The following FAM149A variants were observed in gnomAD, a reference collection of about 807,000 sequenced individuals.
FAM149A encodes the protein family with sequence similarity 149 member A.
FAM149A carries 71 observed loss-of-function variants against 78.2 expected under a neutral mutation model. The ratio of observed to expected loss-of-function variants is 0.91; its 90% CI spans 0.75 to 1.11. The LOEUF (loss-of-function observed/expected upper bound fraction) is 1.11, where lower values mean the gene tolerates loss of function less well. FAM149A is among the 50% of genes least tolerant of loss of function. The pLI is 0.00. For missense variants in FAM149A, 1,036 were observed against 971.0 expected (o/e 1.07, Z -0.89); for synonymous variants, 446 against 410.5 (o/e 1.09, Z -1.04).
At chr4:186,135,952 C>T (rs1450332540) in intron 1 of FAM149A, among the ~76,000 whole-genome samples, 1 of 152,154 alleles carries the variant, frequency 6.6e-6, no homozygotes, top group East Asian at 1.9e-4. Flanking sequence ...CATGGAGGCA[C>T]CACGCGTGTG....
intron 1 of FAM149A, among the ~76,000 whole-genome samples, chr4:186,106,226 C>T (rs529462296): frequency 6.6e-6 from 1 of 152,118 alleles, no homozygotes; most frequent in East Asian, 1.9e-4. Flanking sequence ...TGAGAGCTTT[C>T]CACAGTGCCC....
intron 1 of FAM149A, chr4:186,118,155 AAC>A: frequency 1.0e-6 from 1 of 985,402 alleles, no homozygotes. Flanking sequence ...GGAGTTGGTG[AAC>A]ACACACAGTG....
intron 3 of FAM149A, among the ~76,000 whole-genome samples, chr4:186,150,158 TTGTC>T (rs1733365214): frequency 6.6e-6 from 1 of 152,154 alleles, no homozygotes. Flanking sequence ...TGAACTGCTT[TTGTC>T]TGTGTGAGCC....
intron 11 of FAM149A, among the ~76,000 whole-genome samples, chr4:186,166,672 AG>A (rs1218562381): frequency 6.9e-6 from 1 of 145,166 alleles, no homozygotes; most frequent in Non-Finnish European, 1.5e-5. Flanking sequence ...AAAAAAAAAA[AG>A]GCAAACATCA....
intron 1 of FAM149A, chr4:186,125,839 G>A (rs975548619): frequency 2.0e-6 from 2 of 985,326 alleles, no homozygotes; most frequent in Non-Finnish European, 2.4e-6. Context: ...ATACGAGGTA[G>A]GGATGAGATG....
At chr4:186,158,382 T>G in intron 8 of FAM149A, 2 of 1,204,434 alleles carry the variant, frequency 1.7e-6, no homozygotes, top group South Asian at 1.6e-5. Flanking sequence ...ACAAGGGAGC[T>G]CACTCAGTGG....
In FAM149A at chr4:186,105,607, G is replaced by C; in HGVS notation, c.531G>C (p.Glu177Asp). 9.5e-7 allele frequency: 1 copy of C among 1,054,994 alleles called. No individual in the cohort carries two copies. The highest frequency in any genetic ancestry group is 1.2e-6 in the Non-Finnish European group (1 of 868,750). 65.4% of individuals were successfully genotyped at this position (1,054,994 alleles called of 1,614,324 possible). A position where few individuals can be genotyped will look rare whatever the true frequency, so the allele number is the denominator to read the frequency against. Residue 177 changes from glutamate to aspartate, a missense_variant, in exon 1 of 14, where the codon GAG (glutamate) becomes GAC (aspartate). Coordinates refer to ENST00000389354, the MANE Select transcript of FAM149A (RefSeq NM_001367768.3). ...TTACGCTGCCTGACATCGGCGAGGA[G>C]GGGGCCTCGGACGGCGACTCCGGGG...
intron 1 of FAM149A, among the ~76,000 whole-genome samples, chr4:186,143,495 TAA>T (rs1732713580): frequency 6.6e-6 from 1 of 152,198 alleles, no homozygotes; most frequent in Non-Finnish European, 1.5e-5. Flanking sequence ...ACCACTTTTA[TAA>T]AAGTGGGGAG....
intron 1 of FAM149A, chr4:186,130,293 C>CTCTCTCTCTCTCTCTATATATATATATA: frequency 8.6e-5 from 4 of 46,584 alleles, no homozygotes; most frequent in East Asian, 7.7e-4. Flanking sequence ...CTCTCTCTCT[C>CTCTCTCTCTCTCTCTATATATATATATA]TATATATATA....
chr4:186,127,983 C>G (rs1209569769), intron 1 of FAM149A, among the ~76,000 whole-genome samples: 26 of 86,166 alleles, frequency 3.0e-4, no homozygotes, highest in Non-Finnish European at 1.6e-4. Flanking sequence ...CCACCATGCC[C>G]GGCCTTTTTT....
Position 186,105,305 on chromosome 4 carries a change from C to A in FAM149A, c.229C>A (p.Pro77Thr). 1 of 1,177,662 alleles carries A rather than the reference C, an allele frequency of 8.5e-7. No individual in the cohort carries two copies. Among genetic ancestry groups the A allele is most frequent in the East Asian group, 8.5e-5 (1 of 11,702 alleles). The allele number at this position is 1,177,662 out of a possible 1,614,324, so 73.0% of individuals were successfully genotyped here. Reference sequence around the variant, plus strand: ...GTCGCCCGCCCCGCTGCTCTCCTCCCCCTACTCCCGGGGCTCCGCCGCCAG... The same window carrying A: ...GTCGCCCGCCCCGCTGCTCTCCTCCACCTACTCCCGGGGCTCCGCCGCCAG... The change falls in exon 1 of 14, where the codon CCC becomes ACC. Residue 77 changes from proline to threonine, a missense_variant. Physicochemically the swap from Pro to Thr is conservative, Grantham distance 38 (BLOSUM62 -1). Transcript: ENST00000389354.
chr4:186,167,186 G>A lies in FAM149A; in HGVS notation c.2142G>A (p.Ser714=), dbSNP rs370633803. ...TGATTTTATTTTTCTTCCAGCAGTC[G>A]GATACGCCTCGAAAAAGTTCATTGA... Residue 714 remains serine (S), a splice_region_variant and synonymous_variant, in exon 13 of 14, where the codon TCG becomes TCA. Coordinates refer to ENST00000389354, the MANE Select transcript of FAM149A (RefSeq NM_001367768.3). 1.2e-5 allele frequency: 19 copies of A among 1,609,494 alleles called. No individual in the cohort carries two copies. Among genetic ancestry groups the A allele is most frequent in the Middle Eastern group, 1.6e-4 (1 of 6,074 alleles).
At chr4:186,150,577 G>C (rs13127990) in intron 3 of FAM149A, among the ~76,000 whole-genome samples, 3 of 97,802 alleles carry the variant, frequency 3.1e-5, no homozygotes, top group East Asian at 2.7e-4. Context: ...CCACCACCAC[G>C]CCCGGCTAAT....
chr4:186,157,880 CCTT>C (rs1734190686), intron 8 of FAM149A, 161 bp downstream of exon 8: 2 of 1,539,294 alleles, frequency 1.3e-6, no homozygotes, highest in Non-Finnish European at 1.7e-6. Flanking sequence ...TAAAGGGAAA[CCTT>C]CACAGTGTCA....
In FAM149A at chr4:186,105,393, C is replaced by T; in HGVS notation, c.317C>T (p.Ala106Val). The change falls in exon 1 of 14, where the codon GCC becomes GTC. Residue 106 changes from alanine to valine, a missense_variant. Transcript: ENST00000389354. ...CCCAGTAGCCCTAGAGCGGGTAAAG[C>T]CCCGCCCCAGCCCCCCACTCCCTCC... is the stretch of plus-strand genomic sequence containing the variant. 8.5e-7 allele frequency: 1 copy of T among 1,182,482 alleles called. No individual in the cohort carries two copies. Among genetic ancestry groups the T allele is most frequent in the South Asian group, 1.5e-5 (1 of 65,022 alleles). 73.2% of individuals were successfully genotyped at this position (1,182,482 alleles called of 1,614,324 possible).
At position 186,154,460 on chromosome 4, in the gene FAM149A, TCCCATAGG is replaced by T; in HGVS notation, c.1059-7_1059del. On this transcript the variant is annotated splice_acceptor_variant and splice_polypyrimidine_tract_variant and coding_sequence_variant and intron_variant, in exon 6 of 14. Transcript: ENST00000389354. LOFTEE classifies it high-confidence loss of function. ...AACTCCCATGTAGAATCTGTTTTTT[TCCCATAGG>T]TTGTGCATTTCTGGCTCTCAAATAG... 1.3e-6 allele frequency: 2 copies of T among 1,597,318 alleles called. No individual in the cohort carries two copies. Among genetic ancestry groups the T allele is most frequent in the South Asian group, 1.1e-5 (1 of 88,704 alleles).
rs144305175 is a variant in FAM149A at position 186,148,281 on chromosome 4, C to A, written c.567-892C>A. 1.4e-3 allele frequency among the ~76,000 whole-genome samples: 216 copies of A among 152,266 alleles called. 1 individual carries two copies. The highest frequency in any genetic ancestry group is 4.9e-3 in the African/African-American group (204 of 41,572). On this transcript the variant is annotated intron_variant, in intron 1 of 13. Transcript: ENST00000389354. ...GGTGGAGGTTGCAGTGAGCTGAGAT[C>A]AATTAGGTAGCCTTATAATCGAAAG...
intron 1 of FAM149A, among the ~76,000 whole-genome samples, chr4:186,134,026 G>C (rs1215288506): frequency 2.6e-5 from 4 of 152,158 alleles, no homozygotes; most frequent in Admixed American, 2.0e-4. Context: ...GTAATTTTGT[G>C]TTTCACTTTT....
In FAM149A at chr4:186,104,896, G is replaced by A. The variant is rs2099308158; in HGVS notation, c.-181G>A. 2 of 924,080 alleles carry A rather than the reference G, an allele frequency of 2.2e-6. No homozygotes were observed. Among genetic ancestry groups the A allele is most frequent in the Non-Finnish European group, 2.6e-6 (2 of 774,024 alleles). The allele number at this position is 924,080 out of a possible 1,614,324, so 57.2% of individuals were successfully genotyped here. A position where few individuals can be genotyped will look rare whatever the true frequency, so the allele number is the denominator to read the frequency against. On this transcript the variant is annotated 5_prime_UTR_variant, in exon 1 of 14. Transcript: ENST00000389354. ...GCGCTCGGCGGACGGACCCGGGCCGGGGAAGGGCGACCCCAGCGGCGCGGA... is the reference window on the plus strand; with the variant it reads ...GCGCTCGGCGGACGGACCCGGGCCGAGGAAGGGCGACCCCAGCGGCGCGGA...
Sources: allele counts gnomAD v4.1 joint callset (sites outside exome capture counted in the v4.1 genomes callset), GRCh38; gene constraint gnomAD v4.1.1; transcripts MANE v1.5; gene names NCBI Gene and HGNC (gene_info 2026-07-23, HGNC 2026-07-21).